The following TTN variants were observed in gnomAD, a reference collection of about 807,000 sequenced individuals.
The protein encoded by TTN is titin, also known as connectin.
Under a neutral mutation model 3,223.0 loss-of-function variants are expected in TTN, and 1,525 were observed. The ratio of observed to expected loss-of-function variants is 0.47; its 90% CI spans 0.45 to 0.49. The LOEUF is 0.49. Ranked by LOEUF, TTN falls within the 20% of genes least tolerant of loss-of-function variation. The pLI, the probability that TTN is intolerant of heterozygous loss-of-function variation, is 0.00. For missense variants in TTN, 40,786 were observed against 43,424.0 expected, an observed-to-expected ratio of 0.94 and a Z score of 5.40; for synonymous variants, 14,094 against 15,161.0, an observed-to-expected ratio of 0.93 and a Z score of 5.17.
intron 213 of TTN, 23 bp from the exon 214 acceptor site, chr2:178,647,487 A>G (rs1402869492): frequency 3.2e-6 from 5 of 1,547,280 alleles, no homozygotes; most frequent in African/African-American, 2.7e-5. Flanking sequence ...GATTTTGTTT[A>G]CTATTAAGAA....
At position 178,549,148 on chromosome 2, in the gene TTN, T is replaced by C; in HGVS notation, c.92478A>G (p.Thr30826=). ...TTGATGTGTCTGTTACTTTGACCAC[T>C]GTGGGAGGACCTGGTGGGTTGACGG... is the stretch of plus-strand genomic sequence containing the variant. ...REPVNPPGPP[T]VVKVTDTSKT... The change falls in exon 339 of 363, where the codon ACA becomes ACG. Residue 30826 remains threonine, a synonymous_variant. Transcript: ENST00000589042. 1.2e-6 allele frequency: 2 copies of C among 1,613,848 alleles called. No individual in the cohort carries two copies. The highest frequency in any genetic ancestry group is 1.7e-4 in the Middle Eastern group (1 of 6,058).
Position 178,536,473 on chromosome 2 carries a change from C to A in TTN, c.100274G>T (p.Arg33425Ile). Residue 33425 changes from arginine (R) to isoleucine (I), a missense_variant, in exon 357 of 363, where the codon AGA (arginine) becomes ATA (isoleucine). By Grantham distance (97) the Arg-to-Ile change is moderately conservative. Transcript: ENST00000589042. ...PPASDGGAKI[R>I]NYYLEKREKK... Reference sequence around the variant, plus strand: ...CTCACGCTTCTCAAGGTAGTAATTTCTAATCTTTGCACCTCCATCACTGGC... The same window carrying A: ...CTCACGCTTCTCAAGGTAGTAATTTATAATCTTTGCACCTCCATCACTGGC... 1 of 1,593,388 alleles carries A rather than the reference C, an allele frequency of 6.3e-7. No individual in the cohort carries two copies. The highest frequency in any genetic ancestry group is 8.6e-7 in the Non-Finnish European group (1 of 1,169,124).
In TTN at chr2:178,739,263, T is replaced by G; in HGVS notation, c.13970A>C (p.Asn4657Thr). Residue 4657 changes from asparagine (N) to threonine (T), a missense_variant, in exon 48 of 363, where the codon AAT becomes ACT. Asn to Thr is a moderately conservative substitution (Grantham distance 65). Transcript: ENST00000589042. The part of the protein sequence containing the change: ...DEKFKCLQDQ[N>T]TYTLVIDKVN... ...TTTGTCGATGACTAGCGTATATGTATTTTGATCTTGTAAACACTTGAACTT... is the reference window on the plus strand; with the variant it reads ...TTTGTCGATGACTAGCGTATATGTAGTTTGATCTTGTAAACACTTGAACTT... 6.2e-7 allele frequency: 1 copy of G among 1,610,146 alleles called. No individual in the cohort carries two copies. The highest frequency in any genetic ancestry group is 8.5e-7 in the Non-Finnish European group (1 of 1,177,098).
At position 178,783,701 on chromosome 2, in the gene TTN, T is replaced by G. The variant is rs2092962371; in HGVS notation, c.2841+19A>C. The G allele has an allele frequency of 6.2e-7, 1 of 1,603,244 alleles. No individual in the cohort carries two copies. The highest frequency in any genetic ancestry group is 8.5e-7 in the Non-Finnish European group (1 of 1,170,564). On this transcript the variant is annotated intron_variant, in intron 17 of 362. Transcript: ENST00000589042. The stretch of plus-strand genomic sequence containing the variant: ...AGGAGATATGAATAGGGTCCAGCAT[T>G]ATCAACTTCTTTACTCACCGAGACC...
At chr2:178,599,883 C>A (rs1186867924) in intron 288 of TTN, 33 bp from the exon 289 acceptor site, 9 of 1,518,416 alleles carry the variant, frequency 5.9e-6, no homozygotes, top group African/African-American at 4.2e-5. Context: ...TCATTAGGAG[C>A]AAAAAGCATT....
chr2:178,709,524 T>G (rs1228354237), intron 99 of TTN, 42 bp downstream of exon 99: 1 of 1,565,728 alleles, frequency 6.4e-7, no homozygotes, highest in South Asian at 1.2e-5. Context: ...TAACAGGCAG[T>G]GAAGAAAAAC....
At chr2:178,678,605 C>A in intron 143 of TTN, 108 bp from the exon 144 acceptor site, 1 of 1,135,246 alleles carries the variant, frequency 8.8e-7, no homozygotes, top group Non-Finnish European at 1.2e-6. Flanking sequence ...CAAAGGTATT[C>A]CAAGAAGCAT....
At chr2:178,793,677 G>A in intron 8 of TTN, 136 bp from the exon 9 acceptor site, 5 of 1,201,816 alleles carry the variant, frequency 4.2e-6, no homozygotes, top group South Asian at 3.9e-5. Context: ...GCGCACACCT[G>A]TAATCCCAGC....
rs780375598 is a variant in TTN, at chr2:178,741,215, A to T, written c.12018T>A (p.Ser4006Arg). 1 of 1,613,394 alleles carries T rather than the reference A, an allele frequency of 6.2e-7. No individual in the cohort carries two copies. ...TCTCTGCTTTACAGATATAGAGGCCACTGTCTTCCCTCTGAGGGTCATTGA... is the reference window on the plus strand; with the variant it reads ...TCTCTGCTTTACAGATATAGAGGCCTCTGTCTTCCCTCTGAGGGTCATTGA... The part of the protein sequence containing the change: ...FIVNDPQRED[S>R]GLYICKAENM... The change falls in exon 48 of 363, where the codon AGT (serine) becomes AGA (arginine). Residue 4006 changes from serine (S) to arginine (R), a missense_variant. Physicochemically the swap from Ser to Arg is moderately radical, Grantham distance 110 (BLOSUM62 -1). Transcript: ENST00000589042.
At position 178,667,293 on chromosome 2, in the gene TTN, GA is replaced by G; in HGVS notation, c.35739del (p.Pro11914GlnfsTer56). ...TKEPDTTRGIFPEVEPPEAIP... is the reference protein window; with the variant it reads ...TKEPDTTRGIXPEVEPPEAIP... ...ATAGCCTCAGGTGGCTCCACCTCTG[GA>G]AAAATGCCTCTGGTTGTATCAGGTT... On this transcript the variant is annotated frameshift_variant, in exon 162 of 363. Transcript: ENST00000589042. LOFTEE classifies it high-confidence loss of function. The G allele has an allele frequency of 1.2e-6, 2 of 1,604,996 alleles. No homozygotes were observed. Among genetic ancestry groups the G allele is most frequent in the Non-Finnish European group, 1.7e-6 (2 of 1,175,838 alleles).
chr2:178,634,620 A>G lies in TTN; in HGVS notation c.42161T>C (p.Leu14054Pro). Residue 14054 changes from leucine (L) to proline (P), a missense_variant, in exon 230 of 363, where the codon CTT becomes CCT. By Grantham distance (98) the Leu-to-Pro change is moderately conservative. Coordinates refer to ENST00000589042, the MANE Select transcript of TTN (RefSeq NM_001267550.2). This position sits in a 1 kb window ranked among gnomAD's most constrained non-coding sequence, Gnocchi z 4.6. ...TAILTVKEIE[L>P]DFAVPLKDVT... The stretch of plus-strand genomic sequence containing the variant: ...ATCCTTCAGGGGCACAGCAAAGTCA[A>G]GTTCGATTTCTGAAAATCAGACATT... The G allele has an allele frequency of 1.2e-6, 2 of 1,613,022 alleles. No individual in the cohort carries two copies. The highest frequency in any genetic ancestry group is 1.7e-6 in the Non-Finnish European group (2 of 1,179,444).
Position 178,775,125 on chromosome 2 carries a change from A to G in TTN, c.6586T>C (p.Cys2196Arg). Reference sequence around the variant, plus strand: ...TTGACAAATGGTTCTGAAGTTTCACATTCAAAGGTTGCCATAGTGTCTTTT... The same window carrying G: ...TTGACAAATGGTTCTGAAGTTTCACGTTCAAAGGTTGCCATAGTGTCTTTT... ...KEKDTMATFE[C>R]ETSEPFVKVK... Residue 2196 changes from cysteine (C) to arginine (R), a missense_variant, in exon 29 of 363, where the codon TGT becomes CGT. Coordinates refer to ENST00000589042, the MANE Select transcript of TTN (RefSeq NM_001267550.2). 6.2e-7 allele frequency: 1 copy of G among 1,614,048 alleles called. No homozygotes were observed. The highest frequency in any genetic ancestry group is 8.5e-7 in the Non-Finnish European group (1 of 1,179,982).
chr2:178,764,189 C>G lies in TTN; in HGVS notation c.10102G>C (p.Val3368Leu), dbSNP rs771921268. The stretch of plus-strand genomic sequence containing the variant: ...TTCTTAAACCTACCTGTTCCAGAAA[C>G]CCGGCATTGAAAACGGGCTGGCTGC... ...EGQPARFQCR[V>L]SGTDLKVSWY... The change falls in exon 43 of 363, where the codon GTT (valine) becomes CTT (leucine). Residue 3368 changes from valine (V) to leucine (L), a missense_variant. By Grantham distance (32) the Val-to-Leu change is conservative. Coordinates refer to ENST00000589042, the MANE Select transcript of TTN (RefSeq NM_001267550.2). 2 of 1,613,950 alleles carry G rather than the reference C, an allele frequency of 1.2e-6. No homozygotes were observed. Among genetic ancestry groups the G allele is most frequent in the Non-Finnish European group, 1.7e-6 (2 of 1,179,978 alleles).
At chr2:178,600,813 G>A (rs2053199344) in intron 288 of TTN, 41 bp downstream of exon 288, 1 of 1,609,164 alleles carries the variant, frequency 6.2e-7, no homozygotes, top group African/African-American at 1.3e-5. Flanking sequence ...TAGGAAGGCA[G>A]CTGTAAGGAG....
chr2:178,573,250 C>T lies in TTN; in HGVS notation c.72882G>A (p.Glu24294=). The T allele has an allele frequency of 3.7e-6, 6 of 1,606,552 alleles. No homozygotes were observed. The highest frequency in any genetic ancestry group is 5.1e-6 in the Non-Finnish European group (6 of 1,175,698). The part of the protein sequence containing the change: ...VSGLTEGHEY[E]FRIMAENAAG... Reference sequence around the variant, plus strand: ...CAGCATTTTCAGCCATAATCCTGAACTCATATTCATGTCCTTCTGTCAGTC... The same window carrying T: ...CAGCATTTTCAGCCATAATCCTGAATTCATATTCATGTCCTTCTGTCAGTC... The change falls in exon 326 of 363, where the codon GAG becomes GAA. Residue 24294 remains glutamate (E), a synonymous_variant. Coordinates refer to ENST00000589042, the MANE Select transcript of TTN (RefSeq NM_001267550.2).
chr2:178,567,877 G>A lies in TTN; in HGVS notation c.78255C>T (p.Ala26085=), dbSNP rs780010068. The A allele has an allele frequency of 2.5e-6, 4 of 1,613,436 alleles. No individual in the cohort carries two copies. The highest frequency in any genetic ancestry group is 3.4e-6 in the Non-Finnish European group (4 of 1,179,576). The change falls in exon 326 of 363, where the codon GCC becomes GCT. Residue 26085 remains alanine (A), a synonymous_variant. Transcript: ENST00000589042. The stretch of plus-strand genomic sequence containing the variant: ...TTCCTGGTGGGTCACAGGGATCTCT[G>A]GCTACATAGCATTCAGAATTCTTGC... ...KASKNSECYV[A]RDPCDPPGTP...
chr2:178,561,424 T>C lies in TTN; in HGVS notation c.84708A>G (p.Gly28236=), dbSNP rs1283536839. The change falls in exon 326 of 363, where the codon GGA becomes GGG. Residue 28236 remains glycine (G), a synonymous_variant. Coordinates refer to ENST00000589042, the MANE Select transcript of TTN (RefSeq NM_001267550.2). The part of the protein sequence containing the change: ...EYRVYAENIA[G]IGKCSKSCEP... Reference sequence around the variant, plus strand: ...CACAAGATTTACTGCATTTACCAATTCCAGCAATATTTTCAGCATATACAC... The same window carrying C: ...CACAAGATTTACTGCATTTACCAATCCCAGCAATATTTTCAGCATATACAC... 1 of 1,613,710 alleles carries C rather than the reference T, an allele frequency of 6.2e-7. No homozygotes were observed. The highest frequency in any genetic ancestry group is 8.5e-7 in the Non-Finnish European group (1 of 1,179,802).
chr2:178,570,882 G>A lies in TTN; in HGVS notation c.75250C>T (p.Arg25084Ter), dbSNP rs794729286. 6.2e-7 allele frequency: 1 copy of A among 1,613,394 alleles called. No homozygotes were observed. Among genetic ancestry groups the A allele is most frequent in the Non-Finnish European group, 8.5e-7 (1 of 1,179,580 alleles). The change falls in exon 326 of 363, where the codon CGA becomes TGA. Residue 25084 changes from arginine to a stop codon, truncating the protein, a stop_gained. Transcript: ENST00000589042. LOFTEE classifies it high-confidence loss of function. Reference sequence around the variant, plus strand: ...TCACTAAACACTCCTGCGGCATTTCGGGCTATAACCCGGAACTCATATCTG... The same window carrying A: ...TCACTAAACACTCCTGCGGCATTTCAGGCTATAACCCGGAACTCATATCTG... The part of the protein sequence containing the change: ...DHRYEFRVIA[R>*]NAAGVFSEPS...
chr2:178,537,514 G>A lies in TTN; in HGVS notation c.99693C>T (p.Phe33231=), dbSNP rs2154138294. The A allele has an allele frequency of 6.2e-7, 1 of 1,613,704 alleles. No homozygotes were observed. Among genetic ancestry groups the A allele is most frequent in the Non-Finnish European group, 8.5e-7 (1 of 1,179,736 alleles). ...AGTTTTGCAAAAGTTTCTGACCATG[G>A]AACCAAGTCATGGCAGGTACTGGAC... is the stretch of plus-strand genomic sequence containing the variant. ...IGRPVPAMTW[F]HGQKLLQNSE... Residue 33231 remains phenylalanine, a synonymous_variant, in exon 355 of 363, where the codon TTC becomes TTT. Transcript: ENST00000589042.
Sources: allele counts gnomAD v4.1 joint callset, GRCh38; gene constraint gnomAD v4.1.1; non-coding constraint Gnocchi (gnomAD v3.1); transcripts MANE v1.5; gene names NCBI Gene and HGNC (gene_info 2026-07-23, HGNC 2026-07-21).